MYO18B: variants seen among roughly 807,000 people sequenced by gnomAD.
The protein encoded by MYO18B is unconventional myosin-XVIIIb.
In MYO18B, 204 loss-of-function variants were observed where a neutral mutation model predicts 273.0. The ratio of observed to expected loss-of-function variants is 0.75; its 90% CI spans 0.67 to 0.84. The LOEUF (loss-of-function observed/expected upper bound fraction) is 0.84, where lower values mean the gene tolerates loss of function less well. MYO18B is among the 40% of genes least tolerant of loss of function. The pLI, the probability that MYO18B is intolerant of heterozygous loss-of-function variation, is 0.00. For synonymous variants in MYO18B, 1,330 were observed against 1,305.7 expected (o/e 1.02, Z -0.40); for missense variants, 3,212 against 3,287.6 (o/e 0.98, Z 0.56).
intron 34 of MYO18B, among the ~76,000 whole-genome samples, chr22:25,941,095 A>G (rs1249855590): frequency 1.3e-5 from 2 of 152,240 alleles, no homozygotes; most frequent in Admixed American, 6.5e-5. Context: ...CCATTGTTCT[A>G]TTGATTTTAC....
chr22:25,848,503 G>A (rs2090325988), intron 20 of MYO18B, among the ~76,000 whole-genome samples: 1 of 152,222 alleles, frequency 6.6e-6, no homozygotes, highest in Non-Finnish European at 1.5e-5. Flanking sequence ...GGAGTTGTGG[G>A]AGAAGAGGCT....
At position 25,890,963 on chromosome 22, in the gene MYO18B, T is replaced by C. The variant is rs1019593567; in HGVS notation, c.4434+88T>C. On this transcript the variant is annotated intron_variant, in intron 26 of 43. Transcript: ENST00000335473. ...CCCCGACCCTCTCATTGGAGATCAG[T>C]AAGCTTAAGCAAGATGCACAGGTTG... 16 of 1,508,684 alleles carry C rather than the reference T, an allele frequency of 1.1e-5. No individual in the cohort carries two copies. The African/African-American group carries it at 1.2e-4, about 12-fold the overall frequency. The allele number at this position is 1,508,684 out of a possible 1,614,324, so 93.5% of individuals were successfully genotyped here. A position where few individuals can be genotyped will look rare whatever the true frequency, so the allele number is the denominator to read the frequency against.
intron 26 of MYO18B, 107 bp from the exon 27 acceptor site, chr22:25,891,197 C>T: frequency 4.7e-6 from 4 of 843,816 alleles, no homozygotes; most frequent in Non-Finnish European, 7.6e-6. Flanking sequence ...TGGCTCAGGG[C>T]TGTGCAGAGG....
intron 39 of MYO18B, among the ~76,000 whole-genome samples, chr22:25,990,595 G>A (rs1285369502): frequency 6.1e-5 from 9 of 147,872 alleles, no homozygotes; most frequent in African/African-American, 2.2e-4. Flanking sequence ...GCTGAGGCAG[G>A]AGAATTGCTT....
chr22:25,849,996 A>G (rs886214922), intron 20 of MYO18B, among the ~76,000 whole-genome samples: 6 of 152,234 alleles, frequency 3.9e-5, no homozygotes, highest in Non-Finnish European at 7.3e-5. Context: ...CATGGGGCTC[A>G]TAAGCACAGA....
rs114957939 is a variant in MYO18B at position 25,845,114 on chromosome 22, A to G, written c.3369-986A>G. Among the ~76,000 whole-genome samples, 1,256 of 152,332 alleles carry G rather than the reference A, an allele frequency of 8.2e-3. 18 individuals are homozygous for G. Among genetic ancestry groups the G allele is most frequent in the African/African-American group, 0.029 (1,193 of 41,574 alleles). On this transcript the variant is annotated intron_variant, in intron 18 of 43. Transcript: ENST00000335473. ...TTCCAAAGCTCCCATGTCTGATCTAAGAAGGCTTTGGTGACGTAAAGTAGC... is the reference window on the plus strand; with the variant it reads ...TTCCAAAGCTCCCATGTCTGATCTAGGAAGGCTTTGGTGACGTAAAGTAGC...
chr22:25,903,543 C>T, intron 30 of MYO18B, 88 bp from the exon 31 acceptor site: 1 of 1,378,690 alleles, frequency 7.3e-7, no homozygotes, highest in Non-Finnish European at 9.9e-7. Context: ...AACGCCACTC[C>T]AGCCCCAGTT....
chr22:25,753,382 G>A (rs1039644772), intron 1 of MYO18B, among the ~76,000 whole-genome samples: 6 of 152,192 alleles, frequency 3.9e-5, no homozygotes, highest in Admixed American at 3.9e-4. Context: ...AGACCAGTCA[G>A]CTCTCTGTAA....
chr22:25,895,430 C>T (rs1437335934), intron 28 of MYO18B, 150 bp downstream of exon 28: 5 of 855,714 alleles, frequency 5.8e-6, no homozygotes, highest in African/African-American at 1.7e-5. Context: ...ACTATTATTA[C>T]AAATGCTGGT....
At chr22:25,896,635 T>C (rs972149102) in intron 28 of MYO18B, 3 of 152,182 alleles carry the variant, frequency 2.0e-5, no homozygotes, top group Admixed American at 1.3e-4. Flanking sequence ...ATCTAGCCTT[T>C]CTAGATGAAT....
intron 31 of MYO18B, among the ~76,000 whole-genome samples, chr22:25,904,464 G>A (rs552563755): frequency 1.1e-4 from 17 of 152,316 alleles, no homozygotes; most frequent in Admixed American, 7.8e-4. Flanking sequence ...CATGGAGAAA[G>A]TATCAGGGAT....
At chr22:25,982,000 A>G (rs746017103) in intron 39 of MYO18B, among the ~76,000 whole-genome samples, 7 of 152,200 alleles carry the variant, frequency 4.6e-5, no homozygotes, top group Non-Finnish European at 1.0e-4. Flanking sequence ...AGGAAGCACA[A>G]TCATGGCAGA....
intron 11 of MYO18B, 21 bp downstream of exon 11, chr22:25,785,512 G>A (rs563862196): frequency 4.5e-5 from 72 of 1,608,404 alleles, no homozygotes; most frequent in Admixed American, 1.0e-4. Context: ...GGTCCCTCAC[G>A]GGTGGGATGT....
intron 3 of MYO18B, among the ~76,000 whole-genome samples, chr22:25,764,475 G>A (rs578062934): frequency 6.6e-6 from 1 of 152,328 alleles, no homozygotes; most frequent in Admixed American, 6.5e-5. Flanking sequence ...CTCAGGGCCT[G>A]GTGCTGGCTT....
intron 39 of MYO18B, among the ~76,000 whole-genome samples, chr22:25,961,711 C>T (rs769827410): frequency 9.9e-5 from 15 of 152,164 alleles, no homozygotes; most frequent in East Asian, 5.8e-4. Context: ...CAGATGCTGA[C>T]GGGAAGGTCT....
At chr22:25,986,867 ATGTAT>A (rs1328143986) in intron 39 of MYO18B, among the ~76,000 whole-genome samples, 10 of 152,272 alleles carry the variant, frequency 6.6e-5, no homozygotes, top group Admixed American at 1.3e-4. Context: ...CTACACATGC[ATGTAT>A]TGTACACACA....
chr22:25,902,865 T>C, intron 30 of MYO18B, 129 bp downstream of exon 30: 1 of 1,002,510 alleles, frequency 1.0e-6, no homozygotes, highest in Non-Finnish European at 1.4e-6. Flanking sequence ...GTCAAGCAGC[T>C]GAATCCCAGT....
chr22:25,754,736 C>T (rs2086055812), intron 1 of MYO18B, among the ~76,000 whole-genome samples: 1 of 152,206 alleles, frequency 6.6e-6, no homozygotes, highest in Non-Finnish European at 1.5e-5. Flanking sequence ...CAAAACCTCC[C>T]CGGCGGGATT....
intron 32 of MYO18B, among the ~76,000 whole-genome samples, chr22:25,909,336 G>A (rs1304294350): frequency 6.6e-6 from 1 of 152,142 alleles, no homozygotes; most frequent in African/African-American, 2.4e-5. Context: ...TGCCTTGCTT[G>A]ATATATAGTT....
Sources: gnomAD v4.1 joint callset for allele counts (sites outside exome capture counted in the v4.1 genomes callset) on GRCh38, gnomAD v4.1.1 for gene constraint, MANE v1.5 for transcripts, NCBI Gene and HGNC (gene_info 2026-07-23, HGNC 2026-07-21) for gene names.